DRC9: variants seen among roughly 807,000 people sequenced by gnomAD.
DRC9 encodes the protein dynein regulatory complex subunit 9, also known as dynein regulatory complex protein 9.
At chr3:197,919,321 G>T in the DRC9 span, among the ~76,000 whole-genome samples, 1 of 152,292 alleles carries the variant, frequency 6.6e-6, no homozygotes, top group Non-Finnish European at 1.5e-5. Flanking sequence ...CAAGATCGAG[G>T]CATACTAACA....
At chr3:197,933,021 AT>A in the DRC9 span, among the ~76,000 whole-genome samples, 2 of 140,494 alleles carry the variant, frequency 1.4e-5, no homozygotes, top group African/African-American at 5.3e-5. Flanking sequence ...ATATATTAAT[AT>A]AAAATATTAT....
chr3:197,913,318 T>TTGCGTGTGTGCGTGCGTGCGTGCGTGCG, the DRC9 span: 9 of 183,590 alleles, frequency 4.9e-5, no homozygotes, highest in African/African-American at 1.2e-4. Flanking sequence ...GTGCCTGGCT[T>TTGCGTGTGTGCGTGCGTGCGTGCGTGCG]TGCGTGTGTG....
chr3:197,951,057 A>C, the DRC9 span: 3 of 1,604,618 alleles, frequency 1.9e-6, no homozygotes, highest in South Asian at 2.2e-5. Flanking sequence ...GGCAAGAAAA[A>C]ACTTAGATGT....
the DRC9 span, chr3:197,889,395 G>T: frequency 4.4e-6 from 3 of 674,970 alleles, no homozygotes; most frequent in Non-Finnish European, 7.7e-6. Flanking sequence ...CTAAATCAGG[G>T]TTTGAAAACC....
chr3:197,929,101 C>T, the DRC9 span, among the ~76,000 whole-genome samples: 1 of 152,172 alleles, frequency 6.6e-6, no homozygotes, highest in East Asian at 1.9e-4. The surrounding 1 kb of genome is among the most constrained non-coding windows in gnomAD (Gnocchi z 4.6). Flanking sequence ...TGCAGACGGA[C>T]ACCAGACACA....
the DRC9 span, chr3:197,889,441 G>A: frequency 1.0e-6 from 1 of 976,700 alleles, no homozygotes; most frequent in Non-Finnish European, 1.6e-6. Context: ...CAGGCAAAGT[G>A]AAATCAGGCT....
At chr3:197,930,818 G>A in the DRC9 span, among the ~76,000 whole-genome samples, 1 of 150,376 alleles carries the variant, frequency 6.6e-6, no homozygotes, top group Non-Finnish European at 1.5e-5. Context: ...GGCGGATTAC[G>A]AGGTCAAGAG....
chr3:197,930,344 T>C, the DRC9 span, among the ~76,000 whole-genome samples: 2 of 151,842 alleles, frequency 1.3e-5, no homozygotes, highest in African/African-American at 2.4e-5. Context: ...AAGAATACTA[T>C]AAAAAATGAA....
the DRC9 span, among the ~76,000 whole-genome samples, chr3:197,934,412 T>C: frequency 1.3e-5 from 2 of 152,116 alleles, no homozygotes; most frequent in African/African-American, 4.8e-5. Context: ...GTGAAACTCC[T>C]GACCTCAAGT....
the DRC9 span, chr3:197,892,618 C>T: frequency 6.2e-7 from 1 of 1,614,028 alleles, no homozygotes; most frequent in South Asian, 1.1e-5. Flanking sequence ...CGCCCTAATT[C>T]CTTCCTTACC....
chr3:197,923,755 T>TA, the DRC9 span, among the ~76,000 whole-genome samples: 976 of 151,614 alleles, frequency 6.4e-3, 6 homozygotes, highest in African/African-American at 0.023. Flanking sequence ...CAAAAAACAG[T>TA]AAAAAATAAA....
At chr3:197,948,845 T>C in the DRC9 span, among the ~76,000 whole-genome samples, 4 of 152,326 alleles carry the variant, frequency 2.6e-5, no homozygotes, top group Admixed American at 2.6e-4. Context: ...ATTCCAGTAC[T>C]CAATATCCTC....
At chr3:197,909,661 C>T in the DRC9 span, among the ~76,000 whole-genome samples, 91 of 152,322 alleles carry the variant, frequency 6.0e-4, no homozygotes, top group Non-Finnish European at 7.8e-4. Context: ...ACAACAGGCT[C>T]TGGAACACTA....
At chr3:197,954,615 T>C in the DRC9 span, among the ~76,000 whole-genome samples, 1 of 152,204 alleles carries the variant, frequency 6.6e-6, no homozygotes, top group African/African-American at 2.4e-5. Context: ...GTTCATGTGA[T>C]TCTTGTGCCT....
chr3:197,936,280 TA>T, the DRC9 span, among the ~76,000 whole-genome samples: 3 of 152,302 alleles, frequency 2.0e-5, no homozygotes, highest in South Asian at 4.1e-4. Flanking sequence ...TAAAGATGAG[TA>T]CAGCAAGGAA....
At chr3:197,954,190 C>T in the DRC9 span, 6 of 1,608,174 alleles carry the variant, frequency 3.7e-6, no homozygotes, top group Admixed American at 3.3e-5. Flanking sequence ...ATGAATCAGA[C>T]TAGGTTCAAG....
At chr3:197,912,077 G>A in the DRC9 span, among the ~76,000 whole-genome samples, 2 of 151,934 alleles carry the variant, frequency 1.3e-5, no homozygotes, top group South Asian at 4.2e-4. Flanking sequence ...GTCTCGCTCT[G>A]TTGCCTAGGC....
At chr3:197,931,468 C>CA in the DRC9 span, among the ~76,000 whole-genome samples, 25 of 150,734 alleles carry the variant, frequency 1.7e-4, no homozygotes, top group Admixed American at 1.7e-3. Context: ...GGTGACAGAG[C>CA]AAGACTCCAT....
At chr3:197,934,938 TCCTG>T in the DRC9 span, among the ~76,000 whole-genome samples, 1 of 151,846 alleles carries the variant, frequency 6.6e-6, no homozygotes, top group Non-Finnish European at 1.5e-5. Flanking sequence ...GCCACTGCAC[TCCTG>T]CCTGAGTGAC....
Sources: gnomAD v4.1 joint callset for allele counts (sites outside exome capture counted in the v4.1 genomes callset) on GRCh38, gnomAD v4.1.1 for gene constraint, Gnocchi (gnomAD v3.1) non-coding constraint, MANE v1.5 for transcripts, NCBI Gene and HGNC (gene_info 2026-07-23, HGNC 2026-07-21) for gene names.